PDE4D: variants seen among roughly 807,000 people sequenced by gnomAD.
PDE4D encodes the protein phosphodiesterase 4D, also known as 3',5'-cyclic-AMP phosphodiesterase 4D.
A neutral mutation model predicts 87.4 loss-of-function variants in PDE4D; 24 were observed. That is an observed-to-expected ratio of 0.27 (90% CI 0.20 to 0.39). The LOEUF (loss-of-function observed/expected upper bound fraction) is 0.39, where lower values mean the gene tolerates loss of function less well. PDE4D is among the 10% of genes least tolerant of loss of function. The pLI is 1.00. For missense variants in PDE4D, 714 were observed against 1,041.0 expected (o/e 0.69, Z 4.32); for synonymous variants, 384 against 383.2 (o/e 1.00, Z -0.02).
intron 1 of PDE4D, among the ~76,000 whole-genome samples, chr5:60,493,809 A>G (rs7728159): frequency 0.046 from 7,031 of 152,118 alleles, 419 homozygotes; most frequent in African/African-American, 0.14. Flanking sequence ...AGAAAAATGA[A>G]TTCCTTCACT....
At chr5:60,489,556 C>G (rs1749410241), upstream of PDE4D, 1 of 152,152 alleles carries the variant, frequency 6.6e-6, no homozygotes, top group Admixed American at 6.5e-5. Context: ...CAATTTCCCC[C>G]CAGGGTTTGT....
rs149350469 is a variant in PDE4D, at chr5:60,410,218, C to A, written c.-90+77724G>T. Among the ~76,000 whole-genome samples the A allele has an allele frequency of 8.6e-4, 131 of 152,238 alleles. 1 individual carries two copies. The Middle Eastern group carries it at 0.021, about 24-fold the overall frequency. On this transcript the variant is annotated intron_variant, in intron 1 of 16. Transcript: ENST00000502484. ...TAATGTGATGGCACCCTAGCAAAGG[C>A]TGGGTGTGGAGAGTCCATCCAGAGG... is the stretch of plus-strand genomic sequence containing the variant.
chr5:59,660,955 C>A (rs1745147066), intron 1 of PDE4D, among the ~76,000 whole-genome samples: 1 of 151,738 alleles, frequency 6.6e-6, no homozygotes, highest in South Asian at 2.1e-4. Flanking sequence ...CCAAGAGTAA[C>A]CCCTACTGGC....
intron 1 of PDE4D, chr5:59,218,046 A>T: frequency 4.2e-6 from 2 of 470,900 alleles, no homozygotes; most frequent in Non-Finnish European, 8.5e-6. Flanking sequence ...AAGGTTTTTG[A>T]AGGTATTTAG....
At chr5:59,899,495 T>TAG (rs1752009257) in intron 3 of PDE4D, among the ~76,000 whole-genome samples, 1 of 151,748 alleles carries the variant, frequency 6.6e-6, no homozygotes, top group Non-Finnish European at 1.5e-5. Context: ...TATATATATA[T>TAG]ATGCTTAAGT....
Position 59,780,691 on chromosome 5 carries a change from C to A in PDE4D, c.455+112477G>T, listed in dbSNP as rs375107014. On this transcript the variant is annotated intron_variant, in intron 1 of 14. Coordinates refer to ENST00000340635, the MANE Select transcript of PDE4D (RefSeq NM_001104631.2). Reference sequence around the variant, plus strand: ...TTTTTCCTTGAGCAAAATCAATGGTCTATAGATAAGGCCTCAGCTGTAAAC... The same window carrying A: ...TTTTTCCTTGAGCAAAATCAATGGTATATAGATAAGGCCTCAGCTGTAAAC... Among the ~76,000 whole-genome samples, 6 of 152,258 alleles carry A rather than the reference C, an allele frequency of 3.9e-5. No individual in the cohort carries two copies. In the East Asian group the frequency reaches 9.7e-4, roughly 25 times the overall value.
At chr5:60,327,102 C>A (rs1583431954) in intron 1 of PDE4D, among the ~76,000 whole-genome samples, 1 of 152,052 alleles carries the variant, frequency 6.6e-6, no homozygotes, top group South Asian at 2.1e-4. Flanking sequence ...CTCTTAGAGT[C>A]CCAGGTAGAC....
At chr5:60,311,260 G>A (rs1755011655) in intron 1 of PDE4D, among the ~76,000 whole-genome samples, 1 of 152,144 alleles carries the variant, frequency 6.6e-6, no homozygotes, top group African/African-American at 2.4e-5. Flanking sequence ...AACCTCAGGT[G>A]ATCCGCCCGC....
At chr5:60,031,256 T>C (rs924714992) in intron 2 of PDE4D, among the ~76,000 whole-genome samples, 1 of 152,252 alleles carries the variant, frequency 6.6e-6, no homozygotes, top group African/African-American at 2.4e-5. Context: ...AAGAGGCTTT[T>C]TGCTTTAACA....
intron 1 of PDE4D, among the ~76,000 whole-genome samples, chr5:60,320,843 C>A (rs544448951): frequency 6.6e-6 from 1 of 152,196 alleles, no homozygotes; most frequent in Admixed American, 6.5e-5. Context: ...TACAGCTAAC[C>A]AGGGAGGTGA....
intron 6 of PDE4D, among the ~76,000 whole-genome samples, chr5:59,023,448 T>C (rs1417805571): frequency 1.5e-5 from 2 of 137,152 alleles, no homozygotes; most frequent in South Asian, 2.4e-4. Flanking sequence ...CTGGGTAACA[T>C]AGTGAGACCC....
At chr5:59,051,369 CA>C in intron 5 of PDE4D, among the ~76,000 whole-genome samples, 2 of 152,238 alleles carry the variant, frequency 1.3e-5, no homozygotes, top group East Asian at 3.9e-4. Flanking sequence ...CAAAAACAAA[CA>C]AACAACAAAA....
intron 5 of PDE4D, among the ~76,000 whole-genome samples, chr5:59,153,483 TGC>T (rs772951443): frequency 7.2e-5 from 11 of 152,208 alleles, no homozygotes; most frequent in Non-Finnish European, 1.0e-4. Flanking sequence ...TACTCCCTTC[TGC>T]CAAAGGGATT....
At chr5:60,252,009 A>G (rs1254537823) in intron 1 of PDE4D, among the ~76,000 whole-genome samples, 1 of 151,936 alleles carries the variant, frequency 6.6e-6, no homozygotes, top group Non-Finnish European at 1.5e-5. Context: ...AATGCTTGCC[A>G]TTGTGTTACA....
chr5:59,177,993 G>A (rs1360135488), intron 5 of PDE4D, among the ~76,000 whole-genome samples: 4 of 152,092 alleles, frequency 2.6e-5, no homozygotes, highest in South Asian at 2.1e-4. Flanking sequence ...GTACAGCCAG[G>A]TTCCAACTTC....
intron 1 of PDE4D, among the ~76,000 whole-genome samples, chr5:60,370,424 A>C (rs1342762166): frequency 6.6e-6 from 1 of 152,250 alleles, no homozygotes; most frequent in Non-Finnish European, 1.5e-5. Context: ...AGGAAAAATT[A>C]GAAATGAAAC....
chr5:60,300,597 G>T (rs1468322661), intron 1 of PDE4D, among the ~76,000 whole-genome samples: 1 of 151,884 alleles, frequency 6.6e-6, no homozygotes, highest in East Asian at 1.9e-4. Context: ...GGAAGGGGCC[G>T]AATTTCAATT....
At chr5:60,269,913 T>G (rs1256103918) in intron 1 of PDE4D, among the ~76,000 whole-genome samples, 1 of 152,014 alleles carries the variant, frequency 6.6e-6, no homozygotes, top group Non-Finnish European at 1.5e-5. Flanking sequence ...GTACAGGAGA[T>G]GAATTGAAAT....
chr5:60,311,167 C>A (rs59353682), intron 1 of PDE4D, among the ~76,000 whole-genome samples: 1 of 152,148 alleles, frequency 6.6e-6, no homozygotes, highest in Non-Finnish European at 1.5e-5. Flanking sequence ...CAGGCATGTG[C>A]CACCACGCCT....
Sources: allele counts gnomAD v4.1 joint callset (sites outside exome capture counted in the v4.1 genomes callset), GRCh38; gene constraint gnomAD v4.1.1; transcripts MANE v1.5; gene names NCBI Gene and HGNC (gene_info 2026-07-23, HGNC 2026-07-21).